DPP8: variants seen among roughly 807,000 people sequenced by gnomAD.
The protein encoded by DPP8 is DPP VIII.
DPP8 carries 31 observed loss-of-function variants against 107.5 expected under a neutral mutation model. That is an observed-to-expected ratio of 0.29 (90% confidence interval 0.22 to 0.39). DPP8 has a LOEUF of 0.39. Ranked by LOEUF, DPP8 falls within the 10% of genes least tolerant of loss-of-function variation. The pLI is 1.00. For missense variants in DPP8, 842 were observed against 1,076.1 expected (o/e 0.78, Z 3.04); for synonymous variants, 381 against 356.6 (o/e 1.07, Z -0.77).
intron 15 of DPP8, among the ~76,000 whole-genome samples, chr15:65,463,031 C>T (rs1457623868): frequency 6.6e-6 from 1 of 152,156 alleles, no homozygotes; most frequent in Non-Finnish European, 1.5e-5. Flanking sequence ...TTTTAATTTG[C>T]TTGAGAGACA....
chr15:65,451,929 TAAA>T (rs377663509), intron 18 of DPP8, 28 bp downstream of exon 18: 2,947 of 1,423,326 alleles, frequency 2.1e-3, no homozygotes, highest in South Asian at 4.8e-3. Context: ...TGTCTCAATT[TAAA>T]AAAAAAAAAA....
chr15:65,452,076 A>T lies in DPP8; in HGVS notation c.2298T>A (p.Thr766=). Residue 766 remains threonine, a synonymous_variant, in exon 18 of 20, where the codon ACT becomes ACA. Coordinates refer to ENST00000300141, the MANE Select transcript of DPP8 (RefSeq NM_130434.5). ...ATCCTGTATCATAGAAGATCCACAG[A>T]GTGACTGGGGCCCCAGCAATAGCAA... ...FRVAIAGAPV[T]LWIFYDTGYT... The T allele has an allele frequency of 6.2e-7, 1 of 1,608,742 alleles. No individual in the cohort carries two copies. The highest frequency in any genetic ancestry group is 2.2e-5 in the East Asian group (1 of 44,630).
intron 2 of DPP8, among the ~76,000 whole-genome samples, chr15:65,507,872 T>G (rs352480): frequency 0.031 from 4,721 of 152,270 alleles, 71 homozygotes; most frequent in Middle Eastern, 0.041. Flanking sequence ...TTCAGATTAC[T>G]GTTTCTGAAA....
chr15:65,467,449 A>T (rs1425017231), intron 12 of DPP8, among the ~76,000 whole-genome samples: 3 of 152,124 alleles, frequency 2.0e-5, no homozygotes, highest in African/African-American at 7.2e-5. Flanking sequence ...TGATGCGATC[A>T]TGGCTCACTG....
chr15:65,503,114 A>T (rs574365864), intron 3 of DPP8, among the ~76,000 whole-genome samples: 2 of 152,078 alleles, frequency 1.3e-5, no homozygotes, highest in East Asian at 3.9e-4. Context: ...AATTATTATT[A>T]TTATTTTTTT....
chr15:65,495,214 G>A (rs1050833049), intron 5 of DPP8, among the ~76,000 whole-genome samples: 5 of 152,174 alleles, frequency 3.3e-5, no homozygotes, highest in African/African-American at 9.7e-5. Context: ...TGTCAGGAGT[G>A]TACTGGATAA....
At chr15:65,449,273 A>G (rs559315344) in intron 19 of DPP8, among the ~76,000 whole-genome samples, 2 of 147,096 alleles carry the variant, frequency 1.4e-5, no homozygotes, top group South Asian at 2.1e-4. Flanking sequence ...TATATAATAA[A>G]AAGTATATAT....
At chr15:65,450,952 A>G (rs775788351) in intron 19 of DPP8, 47 bp downstream of exon 19, 28 of 1,157,314 alleles carry the variant, frequency 2.4e-5, no homozygotes, top group Non-Finnish European at 3.3e-5. Context: ...AAAGTAATCA[A>G]TCACTAATCA....
intron 1 of DPP8, among the ~76,000 whole-genome samples, chr15:65,513,108 T>C (rs1049943660): frequency 2.0e-5 from 3 of 152,248 alleles, no homozygotes; most frequent in African/African-American, 7.2e-5. Flanking sequence ...AGATAATATA[T>C]TGTTTCCTTT....
At chr15:65,451,809 C>A in intron 18 of DPP8, 151 bp downstream of exon 18, 1 of 722,130 alleles carries the variant, frequency 1.4e-6, no homozygotes, top group South Asian at 2.9e-5. Flanking sequence ...GCCTGTAAAC[C>A]CAGCTACTCG....
intron 6 of DPP8, among the ~76,000 whole-genome samples, chr15:65,489,201 C>T (rs1204870490): frequency 2.6e-5 from 4 of 151,934 alleles, no homozygotes; most frequent in African/African-American, 4.8e-5. Flanking sequence ...CCTCATGATC[C>T]GCCCGCCTTG....
At chr15:65,507,001 A>G (rs1596127657) in intron 3 of DPP8, among the ~76,000 whole-genome samples, 1 of 152,150 alleles carries the variant, frequency 6.6e-6, no homozygotes, top group Admixed American at 6.5e-5. Flanking sequence ...CTACGTAAGT[A>G]CAAAGTTTAT....
intron 15 of DPP8, 33 bp downstream of exon 15, chr15:65,463,728 G>T: frequency 6.5e-7 from 1 of 1,528,204 alleles, no homozygotes. Flanking sequence ...TATGCATATG[G>T]GTGTATGTAT....
intron 8 of DPP8, among the ~76,000 whole-genome samples, 192 bp downstream of exon 8, chr15:65,484,907 T>TG (rs772079989): frequency 1.3e-5 from 2 of 152,034 alleles, no homozygotes; most frequent in Non-Finnish European, 2.9e-5. Context: ...AATATGCATA[T>TG]CCCCATATTC....
At chr15:65,493,558 G>A (rs1596052238) in intron 5 of DPP8, among the ~76,000 whole-genome samples, 1 of 152,252 alleles carries the variant, frequency 6.6e-6, no homozygotes, top group South Asian at 2.1e-4. Context: ...CAGGTCAGGT[G>A]TTACTGCCAA....
chr15:65,511,965 G>A (rs2070842832), intron 2 of DPP8: 1 of 427,018 alleles, frequency 2.3e-6, no homozygotes, highest in Admixed American at 2.9e-5. Flanking sequence ...AGCAGCTGTT[G>A]AGTGGGAACA....
chr15:65,512,609 A>G (rs1248681215), intron 1 of DPP8, 45 bp from the exon 2 acceptor site: 6 of 1,597,476 alleles, frequency 3.8e-6, no homozygotes, highest in Non-Finnish European at 5.1e-6. Context: ...TCTATCTTCT[A>G]TTATCAGAAT....
chr15:65,471,182 A>AT (rs1340534176), intron 12 of DPP8, among the ~76,000 whole-genome samples: 1 of 152,082 alleles, frequency 6.6e-6, no homozygotes, highest in African/African-American at 2.4e-5. Context: ...CCACAATAAG[A>AT]TTTTTTTCTC....
At chr15:65,457,740 T>G (rs2064551044) in intron 15 of DPP8, among the ~76,000 whole-genome samples, 2 of 152,132 alleles carry the variant, frequency 1.3e-5, no homozygotes, top group South Asian at 4.1e-4. Flanking sequence ...AGAATAATGT[T>G]TTTTTCCCAT....
Sources: gnomAD v4.1 joint callset for allele counts (sites outside exome capture counted in the v4.1 genomes callset) on GRCh38, gnomAD v4.1.1 for gene constraint, MANE v1.5 for transcripts, NCBI Gene and HGNC (gene_info 2026-07-23, HGNC 2026-07-21) for gene names.